The following KANSL3 variants were observed in gnomAD, a reference collection of about 807,000 sequenced individuals.
The protein encoded by KANSL3 is NSL complex protein NSL3.
KANSL3 carries 16 observed loss-of-function variants against 89.2 expected under a neutral mutation model. The observed-to-expected ratio is 0.18, with a 90% CI of 0.12 to 0.27. KANSL3 has a LOEUF of 0.27. Among genes scored for constraint, KANSL3 ranks in the 10% least tolerant of loss-of-function variants. The pLI is 1.00. For missense variants in KANSL3, 879 were observed against 1,110.6 expected (o/e 0.79, Z 2.96); for synonymous variants, 385 against 419.7 (o/e 0.92, Z 1.01).
Position 96,619,679 on chromosome 2 carries a change from T to C in KANSL3, c.470A>G (p.Asn157Ser), listed in dbSNP as rs764772952. ...LQSDRLARLA[N>S]EGACNEPVLR... ...GGATTGCTGGTGTCTTACCCCTTCG[T>C]TGGCCAAGCGGGCAAGCCGGTCAGA... The change falls in exon 4 of 21, where the codon AAC (asparagine) becomes AGC (serine). Residue 157 changes from asparagine to serine, a missense_variant. Coordinates refer to ENST00000431828, the MANE Select transcript of KANSL3 (RefSeq NM_001115016.3). The C allele has an allele frequency of 6.4e-7, 1 of 1,569,294 alleles. No individual in the cohort carries two copies. Among genetic ancestry groups the C allele is most frequent in the Non-Finnish European group, 8.6e-7 (1 of 1,157,604 alleles).
At chr2:96,638,122 G>A (rs2074524179) in intron 1 of KANSL3, 161 bp downstream of exon 1, 2 of 48,002 alleles carry the variant, frequency 4.2e-5, no homozygotes, top group Admixed American at 2.3e-4. Flanking sequence ...GCCCGCCCCC[G>A]GCCCGACCCG....
chr2:96,630,125 G>A (rs2073116271), intron 3 of KANSL3, among the ~76,000 whole-genome samples: 2 of 152,100 alleles, frequency 1.3e-5, no homozygotes, highest in African/African-American at 4.8e-5. Flanking sequence ...ATTCCTCAAA[G>A]GTTAAATACA....
At chr2:96,580,796 G>A in the KANSL3 span, among the ~76,000 whole-genome samples, 2 of 152,214 alleles carry the variant, frequency 1.3e-5, no homozygotes, top group East Asian at 3.9e-4. Context: ...GGTTTCCTAT[G>A]CCTACAGTGG....
downstream of KANSL3, among the ~76,000 whole-genome samples, chr2:96,592,864 G>A (rs2066309101): frequency 1.3e-5 from 2 of 152,104 alleles, no homozygotes. Context: ...TTAGCTGGGC[G>A]TGGTGTCGGG....
At chr2:96,623,213 G>C (rs977686001) in intron 3 of KANSL3, among the ~76,000 whole-genome samples, 7 of 152,294 alleles carry the variant, frequency 4.6e-5, no homozygotes, top group African/African-American at 1.7e-4. Flanking sequence ...TCTGTAAACA[G>C]CCAGGTCCCT....
chr2:96,623,159 T>C (rs2071618757), intron 3 of KANSL3, among the ~76,000 whole-genome samples: 1 of 152,206 alleles, frequency 6.6e-6, no homozygotes, highest in Admixed American at 6.5e-5. Flanking sequence ...AAACATCTGC[T>C]GAATAAATAA....
intron 5 of KANSL3, among the ~76,000 whole-genome samples, chr2:96,617,078 G>C (rs1052757060): frequency 2.0e-5 from 3 of 152,114 alleles, no homozygotes; most frequent in African/African-American, 7.2e-5. Context: ...AGATGCCTAC[G>C]ATACTTCTGG....
intron 3 of KANSL3, among the ~76,000 whole-genome samples, chr2:96,627,723 TAAG>T (rs918546957): frequency 4.6e-5 from 7 of 152,096 alleles, no homozygotes; most frequent in African/African-American, 9.7e-5. Flanking sequence ...TGACTTTATA[TAAG>T]AAGAAAGGAA....
rs760682335 is a variant in KANSL3, at chr2:96,601,641, A to G, written c.2616+2T>C. The G allele has an allele frequency of 6.2e-7, 1 of 1,613,170 alleles. No homozygotes were observed. Among genetic ancestry groups the G allele is most frequent in the Non-Finnish European group, 8.5e-7 (1 of 1,179,568 alleles). On this transcript the variant is annotated splice_donor_variant, in intron 20 of 20. Transcript: ENST00000431828. LOFTEE classifies it high-confidence loss of function. The stretch of plus-strand genomic sequence containing the variant: ...GTCCTCAGTCCTTCCTGGCAGACTC[A>G]CCTGTGAGCTGGAGGGCAGCACCTG...
chr2:96,595,486 AAAAAT>A lies in KANSL3; in HGVS notation c.*120_*124del. ...CTCTGAAGACAGTTGGCGGAGAGGC[AAAAAT>A]GACTGTCTTAAACAGGTCTTCCGAC... On this transcript the variant is annotated 3_prime_UTR_variant, in exon 21 of 21. Coordinates refer to ENST00000431828, the MANE Select transcript of KANSL3 (RefSeq NM_001115016.3). 1 of 987,254 alleles carries A rather than the reference AAAAAT, an allele frequency of 1.0e-6. No individual in the cohort carries two copies. Among genetic ancestry groups the A allele is most frequent in the South Asian group, 1.7e-5 (1 of 59,982 alleles). The allele number at this position is 987,254 out of a possible 1,614,324, so 61.2% of individuals were successfully genotyped here.
chr2:96,591,924 T>C (rs573373822), downstream of KANSL3, among the ~76,000 whole-genome samples: 1 of 152,350 alleles, frequency 6.6e-6, no homozygotes, highest in African/African-American at 2.4e-5. Context: ...CTTTCAGAGC[T>C]ATTTTGGTGG....
chr2:96,610,800 G>A lies in KANSL3; in HGVS notation c.1245C>T (p.Ala415=), dbSNP rs779614271. The A allele has an allele frequency of 9.9e-6, 16 of 1,613,876 alleles. No homozygotes were observed. In the Admixed American group the frequency reaches 1.7e-4, roughly 17 times the overall value. The change falls in exon 11 of 21, where the codon GCC becomes GCT. Residue 415 remains alanine (A), a synonymous_variant. Transcript: ENST00000431828. ...GAATCTTCTCCCGGAAGTCCTCCAT[G>A]GCTTCAGGGTGACATTGAAGGGAAT... ...GQNSLQCHPE[A]MEDFREKIRA...
At chr2:96,582,171 C>T in the KANSL3 span, among the ~76,000 whole-genome samples, 4 of 152,138 alleles carry the variant, frequency 2.6e-5, no homozygotes, top group African/African-American at 9.7e-5. Flanking sequence ...GGGCGGATGA[C>T]TTGAGGCCAG....
downstream of KANSL3, among the ~76,000 whole-genome samples, chr2:96,591,414 T>C (rs928532051): frequency 6.6e-6 from 1 of 152,196 alleles, no homozygotes; most frequent in Non-Finnish European, 1.5e-5. Context: ...ATTTTGTTTA[T>C]GGTTACAGCG....
At chr2:96,632,856 C>T (rs2073641017) in intron 2 of KANSL3, among the ~76,000 whole-genome samples, 1 of 151,060 alleles carries the variant, frequency 6.6e-6, no homozygotes, top group African/African-American at 2.4e-5. Context: ...GTCCCAGCTA[C>T]TCAGGACACT....
At chr2:96,631,812 C>T (rs773081800) in intron 2 of KANSL3, among the ~76,000 whole-genome samples, 4 of 151,914 alleles carry the variant, frequency 2.6e-5, no homozygotes, top group African/African-American at 4.8e-5. Flanking sequence ...TTTGGGAAGC[C>T]GAGGCAGGTG....
At chr2:96,616,925 A>C (rs991459708) in intron 5 of KANSL3, among the ~76,000 whole-genome samples, 2 of 152,212 alleles carry the variant, frequency 1.3e-5, no homozygotes, top group African/African-American at 4.8e-5. Context: ...TCCTCCTTAA[A>C]GGGAAATTAT....
chr2:96,580,881 C>T, the KANSL3 span, among the ~76,000 whole-genome samples: 1 of 152,332 alleles, frequency 6.6e-6, no homozygotes, highest in South Asian at 2.1e-4. Context: ...TAACTGCACT[C>T]CCTGAGTGAG....
At chr2:96,590,742 G>T (rs959597263), downstream of KANSL3, among the ~76,000 whole-genome samples, 2 of 152,068 alleles carry the variant, frequency 1.3e-5, no homozygotes, top group East Asian at 3.9e-4. Context: ...CCAGCACTTT[G>T]GGAGGCCGAG....
Sources: allele counts gnomAD v4.1 joint callset (sites outside exome capture counted in the v4.1 genomes callset), GRCh38; gene constraint gnomAD v4.1.1; transcripts MANE v1.5; gene names NCBI Gene and HGNC (gene_info 2026-07-23, HGNC 2026-07-21).